TMEM117: variants seen among roughly 807,000 people sequenced by gnomAD.
The protein encoded by TMEM117 is transmembrane protein 117.
In TMEM117, 27 loss-of-function variants were observed where a neutral mutation model predicts 52.4. The observed-to-expected ratio is 0.51, with a 90% CI of 0.38 to 0.71. The LOEUF (loss-of-function observed/expected upper bound fraction) is 0.71, where lower values mean the gene tolerates loss of function less well. Among genes scored for constraint, TMEM117 ranks in the 30% least tolerant of loss-of-function variants. The pLI is 0.00. For synonymous variants in TMEM117, 215 were observed against 206.3 expected (o/e 1.04, Z -0.36); for missense variants, 556 against 630.5 (o/e 0.88, Z 1.26).
At chr12:44,065,110 C>CAT (rs1462380995) in intron 3 of TMEM117, among the ~76,000 whole-genome samples, 1 of 152,104 alleles carries the variant, frequency 6.6e-6, no homozygotes, top group East Asian at 1.9e-4. Context: ...ACTGGCTGGG[C>CAT]ATGGTGGCTC....
At chr12:44,150,094 C>T (rs1441964686) in intron 4 of TMEM117, among the ~76,000 whole-genome samples, 1 of 152,122 alleles carries the variant, frequency 6.6e-6, no homozygotes, top group East Asian at 1.9e-4. Context: ...CAACCTACCC[C>T]TGATTAGTTA....
At chr12:43,981,736 G>A (rs981037352) in intron 3 of TMEM117, among the ~76,000 whole-genome samples, 3 of 151,970 alleles carry the variant, frequency 2.0e-5, no homozygotes, top group African/African-American at 7.3e-5. Flanking sequence ...AGAGAAAATG[G>A]GTTCTACTAC....
chr12:44,072,991 G>A (rs1456999971), intron 3 of TMEM117, among the ~76,000 whole-genome samples: 1 of 152,044 alleles, frequency 6.6e-6, no homozygotes, highest in Non-Finnish European at 1.5e-5. Flanking sequence ...TCAGAAGGCT[G>A]AGGCAGGAGA....
chr12:44,298,947 G>T (rs973404106), intron 5 of TMEM117, among the ~76,000 whole-genome samples: 1 of 150,376 alleles, frequency 6.6e-6, no homozygotes, highest in Admixed American at 6.6e-5. Context: ...TTCTTACATT[G>T]CATGTCCACT....
At chr12:44,044,996 CTGAG>C (rs1946858254) in intron 3 of TMEM117, among the ~76,000 whole-genome samples, 2 of 152,232 alleles carry the variant, frequency 1.3e-5, no homozygotes, top group African/African-American at 4.8e-5. Flanking sequence ...ATGGAACTCT[CTGAG>C]TGGTTAGAAA....
intron 2 of TMEM117, among the ~76,000 whole-genome samples, chr12:43,864,310 G>C (rs923999195): frequency 1.3e-5 from 2 of 152,232 alleles, no homozygotes; most frequent in Non-Finnish European, 2.9e-5. Flanking sequence ...CTGGCAGGCA[G>C]CTCTATCTGC....
At chr12:43,938,810 C>A (rs1182453951) in intron 2 of TMEM117, among the ~76,000 whole-genome samples, 15 of 151,872 alleles carry the variant, frequency 9.9e-5, no homozygotes, top group Admixed American at 9.8e-4. Context: ...ACCAGCCTGG[C>A]CAGCATGGTG....
chr12:44,209,858 G>A (rs546369127), intron 4 of TMEM117, among the ~76,000 whole-genome samples: 44 of 152,068 alleles, frequency 2.9e-4, no homozygotes, highest in African/African-American at 8.9e-4. Context: ...TTGACATGCC[G>A]GTGAATGTTT....
the TMEM117 span, chr12:43,799,648 T>C: frequency 1.9e-6 from 1 of 515,222 alleles, no homozygotes; most frequent in Non-Finnish European, 3.3e-6. Context: ...TTTACTTTTC[T>C]TTAATCCTCA....
At chr12:43,882,547 A>G (rs1943916977) in intron 2 of TMEM117, among the ~76,000 whole-genome samples, 1 of 151,936 alleles carries the variant, frequency 6.6e-6, no homozygotes, top group South Asian at 2.1e-4. Context: ...TTTTGAGGAC[A>G]GTTTAAAGAG....
chr12:44,224,367 T>G (rs1157333494), intron 5 of TMEM117, among the ~76,000 whole-genome samples: 1 of 152,158 alleles, frequency 6.6e-6, no homozygotes, highest in African/African-American at 2.4e-5. Flanking sequence ...AATTAGACCT[T>G]TTTGTCCCAT....
In TMEM117 at chr12:44,223,535, A is replaced by C. The variant is rs79530882; in HGVS notation, c.608+12148A>C. 7.4e-3 allele frequency among the ~76,000 whole-genome samples: 1,129 copies of C among 152,192 alleles called. 15 individuals are homozygous for C. Among genetic ancestry groups the C allele is most frequent in the African/African-American group, 0.025 (1,039 of 41,532 alleles). On this transcript the variant is annotated intron_variant, in intron 5 of 7. Transcript: ENST00000266534. ...TTGATGGAGTCTCTTTCTTACCCCC[A>C]AAGTAGAAATTTACTTATTTTGTAC...
chr12:44,245,322 A>G (rs914422301), intron 5 of TMEM117, among the ~76,000 whole-genome samples: 3 of 152,072 alleles, frequency 2.0e-5, no homozygotes, highest in East Asian at 1.9e-4. Context: ...AATTATTCCA[A>G]TCCATGAACA....
At chr12:44,088,064 A>G (rs1419115372) in intron 3 of TMEM117, among the ~76,000 whole-genome samples, 1 of 152,196 alleles carries the variant, frequency 6.6e-6, no homozygotes, top group African/African-American at 2.4e-5. Flanking sequence ...ATGATATCAT[A>G]TGTCCCTTAG....
intron 6 of TMEM117, among the ~76,000 whole-genome samples, chr12:44,304,526 A>G (rs1307731496): frequency 1.3e-5 from 2 of 152,132 alleles, no homozygotes; most frequent in Non-Finnish European, 1.5e-5. Context: ...TCCTTCTTCA[A>G]TCCCTAGTAG....
Position 44,350,804 on chromosome 12 carries a change from T to C in TMEM117, c.769-25791T>C, listed in dbSNP as rs146256924. On this transcript the variant is annotated intron_variant, in intron 6 of 7. Transcript: ENST00000266534. The stretch of plus-strand genomic sequence containing the variant: ...AGTTGCTTCCAAATCTTGGCTACTG[T>C]GAACAGTGCTGCAACAAACATGAGA... Among the ~76,000 whole-genome samples, 4 of 152,186 alleles carry C rather than the reference T, an allele frequency of 2.6e-5. No homozygotes were observed. In the East Asian group the frequency reaches 5.8e-4, roughly 22 times the overall value.
At chr12:44,331,863 T>G (rs1951274800) in intron 6 of TMEM117, among the ~76,000 whole-genome samples, 1 of 152,080 alleles carries the variant, frequency 6.6e-6, no homozygotes, top group Non-Finnish European at 1.5e-5. Flanking sequence ...CAGTACTTTG[T>G]GACACTTGCT....
At chr12:44,091,313 A>G (rs1254116937) in intron 3 of TMEM117, among the ~76,000 whole-genome samples, 1 of 152,122 alleles carries the variant, frequency 6.6e-6, no homozygotes, top group Non-Finnish European at 1.5e-5. Context: ...CTACAATTCA[A>G]GTTGAGATTT....
rs140691594 is a variant in TMEM117, at chr12:44,321,164, A to G, written c.768+21425A>G. On this transcript the variant is annotated intron_variant, in intron 6 of 7. Coordinates refer to ENST00000266534, the MANE Select transcript of TMEM117 (RefSeq NM_032256.3). The stretch of plus-strand genomic sequence containing the variant: ...TATTTAAAGCCTGTTGACATTAGAC[A>G]ATTCCTGCATTAAATTTACTGTAAG... 3.0e-3 allele frequency among the ~76,000 whole-genome samples: 461 copies of G among 152,302 alleles called. 3 individuals are homozygous for G. The highest frequency in any genetic ancestry group is 9.9e-3 in the African/African-American group (413 of 41,580).
Sources: gnomAD v4.1 joint callset for allele counts (sites outside exome capture counted in the v4.1 genomes callset) on GRCh38, gnomAD v4.1.1 for gene constraint, MANE v1.5 for transcripts, NCBI Gene and HGNC (gene_info 2026-07-23, HGNC 2026-07-21) for gene names.